The following TRIM5 variants were observed in gnomAD, a reference collection of about 807,000 sequenced individuals.
The protein encoded by TRIM5 is tripartite motif containing 5, also known as tripartite motif-containing protein 5.
Under a neutral mutation model 35.6 loss-of-function variants are expected in TRIM5, and 31 were observed. The ratio of observed to expected loss-of-function variants is 0.87; its 90% CI spans 0.65 to 1.18. The LOEUF (loss-of-function observed/expected upper bound fraction) is 1.18, where lower values mean the gene tolerates loss of function less well. TRIM5 is among the 50% of genes most tolerant of loss of function. The probability of loss-of-function intolerance (pLI) is 0.00; values close to 1 mark genes in which losing one functional copy is unlikely to be tolerated. For missense variants in TRIM5, 609 were observed against 591.6 expected (o/e 1.03, Z -0.31); for synonymous variants, 243 against 215.6 (o/e 1.13, Z -1.11).
chr11:5,624,544 G>A, the TRIM5 span, among the ~76,000 whole-genome samples: 7 of 152,220 alleles, frequency 4.6e-5, no homozygotes, highest in African/African-American at 1.4e-4. Flanking sequence ...AAAGTGGTAG[G>A]AGAAGGGGAG....
chr11:5,589,445 G>C, the TRIM5 span: 1 of 152,030 alleles, frequency 6.6e-6, no homozygotes, highest in Middle Eastern at 3.4e-3. Context: ...ATGTTGACTT[G>C]TTTTCATCTC....
the TRIM5 span, chr11:5,641,379 T>C: frequency 1.5e-6 from 2 of 1,372,848 alleles, no homozygotes; most frequent in African/African-American, 1.5e-5. Context: ...CTCGATCCTA[T>C]GTTAGTAAAT....
At chr11:5,619,473 G>A in the TRIM5 span, among the ~76,000 whole-genome samples, 2 of 139,476 alleles carry the variant, frequency 1.4e-5, no homozygotes, top group African/African-American at 5.3e-5. Flanking sequence ...CTCTCTGCCA[G>A]AAAAGAAAGG....
the TRIM5 span, among the ~76,000 whole-genome samples, chr11:5,653,747 T>C: frequency 6.6e-6 from 1 of 152,164 alleles, no homozygotes; most frequent in African/African-American, 2.4e-5. Flanking sequence ...TGCCTCGGCC[T>C]CCCAAAGTGT....
chr11:5,662,500 T>C (rs924964515), downstream of TRIM5, among the ~76,000 whole-genome samples: 1 of 152,236 alleles, frequency 6.6e-6, no homozygotes, highest in Non-Finnish European at 1.5e-5. Context: ...GATACCATTG[T>C]TGAGAAATGC....
the TRIM5 span, chr11:5,603,511 A>G: frequency 6.2e-7 from 1 of 1,614,036 alleles, no homozygotes; most frequent in Non-Finnish European, 8.5e-7. Flanking sequence ...CCAGCCAGGG[A>G]ACCTGCGGCC....
At chr11:5,618,823 T>C in the TRIM5 span, among the ~76,000 whole-genome samples, 1 of 152,286 alleles carries the variant, frequency 6.6e-6, no homozygotes, top group Admixed American at 6.5e-5. Flanking sequence ...TTTGTACAAT[T>C]ATAAGACATA....
At chr11:5,627,522 C>T in the TRIM5 span, among the ~76,000 whole-genome samples, 42 of 152,234 alleles carry the variant, frequency 2.8e-4, no homozygotes, top group South Asian at 8.1e-3. Context: ...CATATTCTCA[C>T]GAAGTAACAG....
chr11:5,655,602 A>T, the TRIM5 span: 1 of 971,154 alleles, frequency 1.0e-6, no homozygotes, highest in Non-Finnish European at 1.2e-6. Context: ...CATGAATAGC[A>T]TTGGTTAAGG....
chr11:5,678,924 G>A, intron 3 of TRIM5, 150 bp downstream of exon 3: 1 of 674,988 alleles, frequency 1.5e-6, no homozygotes, highest in Non-Finnish European at 2.6e-6. Flanking sequence ...TCACTCCTCA[G>A]CCACCACACC....
At chr11:5,655,939 C>A in the TRIM5 span, among the ~76,000 whole-genome samples, 1 of 152,146 alleles carries the variant, frequency 6.6e-6, no homozygotes, top group Non-Finnish European at 1.5e-5. Flanking sequence ...GTTGGGAAAA[C>A]TGGCTAGCCA....
the TRIM5 span, chr11:5,643,794 C>T: frequency 6.7e-7 from 1 of 1,493,500 alleles, no homozygotes; most frequent in Non-Finnish European, 8.9e-7. Context: ...CCATTGCTTC[C>T]TTGTGGTTTC....
In TRIM5 at chr11:5,679,054, C is replaced by T. The variant is rs540034565; in HGVS notation, c.513+20G>A. ...TGCCCAGATTTCTAGCTAACTCCTT[C>T]GGGAACCACATCCTCTTGCCTTCCA... On this transcript the variant is annotated intron_variant, in intron 3 of 7. Transcript: ENST00000380034. 1.8e-5 allele frequency: 29 copies of T among 1,607,172 alleles called. No individual in the cohort carries two copies. Among genetic ancestry groups the T allele is most frequent in the African/African-American group, 5.3e-5 (4 of 74,780 alleles).
the TRIM5 span, among the ~76,000 whole-genome samples, chr11:5,602,870 C>T: frequency 1.5e-4 from 23 of 152,072 alleles, no homozygotes; most frequent in Admixed American, 1.4e-3. Context: ...AGGAGAATTG[C>T]TTGAACCTGG....
the TRIM5 span, among the ~76,000 whole-genome samples, chr11:5,621,701 C>T: frequency 1.3e-5 from 2 of 152,196 alleles, no homozygotes; most frequent in African/African-American, 4.8e-5. Context: ...AAACCTGCCT[C>T]CCATTCTATT....
the TRIM5 span, among the ~76,000 whole-genome samples, chr11:5,639,652 C>G: frequency 8.3e-6 from 1 of 119,848 alleles, no homozygotes; most frequent in Admixed American, 1.1e-4. Context: ...TGCACTCCAG[C>G]CTGGGTGACA....
chr11:5,643,888 C>G, the TRIM5 span: 5 of 817,520 alleles, frequency 6.1e-6, no homozygotes, highest in Non-Finnish European at 9.1e-6. Flanking sequence ...TTCATTTACT[C>G]TTTTTCATAT....
At chr11:5,667,533 C>T (rs942994372) in intron 5 of TRIM5, among the ~76,000 whole-genome samples, 156 bp downstream of exon 5, 20 of 152,112 alleles carry the variant, frequency 1.3e-4, no homozygotes, top group African/African-American at 3.9e-4. Flanking sequence ...ATAGAACATT[C>T]GAATGCTGAT....
the TRIM5 span, among the ~76,000 whole-genome samples, chr11:5,632,075 C>T: frequency 6.6e-6 from 1 of 152,172 alleles, no homozygotes; most frequent in Non-Finnish European, 1.5e-5. Context: ...GAGTAATGAA[C>T]AAGTGCAAAA....
Sources: gnomAD v4.1 joint callset for allele counts (sites outside exome capture counted in the v4.1 genomes callset) on GRCh38, gnomAD v4.1.1 for gene constraint, MANE v1.5 for transcripts, NCBI Gene and HGNC (gene_info 2026-07-23, HGNC 2026-07-21) for gene names.